Variants in ITPR3 observed in about 807,000 individuals in gnomAD.
ITPR3 encodes the protein inositol 1,4,5-trisphosphate receptor type 3, also known as inositol 1,4,5-trisphosphate-gated calcium channel ITPR3.
ITPR3 carries 173 observed loss-of-function variants against 293.2 expected under a neutral mutation model. That is an observed-to-expected ratio of 0.59 (90% CI 0.52 to 0.67). The LOEUF is 0.67. Ranked by LOEUF, ITPR3 falls within the 30% of genes least tolerant of loss-of-function variation. The pLI is 0.00. For missense variants in ITPR3, 2,796 were observed against 3,592.1 expected, an observed-to-expected ratio of 0.78 and a Z score of 5.66; for synonymous variants, 1,295 against 1,444.4, an observed-to-expected ratio of 0.90 and a Z score of 2.35.
In ITPR3 at chr6:33,691,581, G is replaced by T; in HGVS notation, c.7226-34G>T. The T allele has an allele frequency of 6.4e-7, 1 of 1,573,684 alleles. No homozygotes were observed. The highest frequency in any genetic ancestry group is 1.1e-5 in the South Asian group (1 of 89,664). On this transcript the variant is annotated intron_variant, in intron 52 of 57. Transcript: ENST00000605930. The surrounding 1 kb of genome is among the most constrained non-coding windows in gnomAD (Gnocchi z 4.9). ...AGCCAGGGGATAAGGCCAGGCACTG[G>T]ACCTCCTGATGATCTCATCCATATC...
rs572592580 is a variant in ITPR3 at position 33,638,298 on chromosome 6, C to G, written c.90-2186C>G. Among the ~76,000 whole-genome samples, 673 of 152,364 alleles carry G rather than the reference C, an allele frequency of 4.4e-3. 5 individuals are homozygous for G. Among genetic ancestry groups the G allele is most frequent in the Middle Eastern group, 0.031 (9 of 294 alleles). ...GGATTACAGGCATGAGCCACCGCGT[C>G]CATCCACATAGGCATGATTGATTAA... On this transcript the variant is annotated intron_variant, in intron 1 of 57. Transcript: ENST00000605930. The surrounding 1 kb of genome is among the most constrained non-coding windows in gnomAD (Gnocchi z 4.3).
chr6:33,685,898 G>A (rs1765217405), intron 41 of ITPR3, 71 bp downstream of exon 41: 2 of 1,536,078 alleles, frequency 1.3e-6, no homozygotes, highest in South Asian at 1.2e-5. Flanking sequence ...CAGTGTGGCT[G>A]GTGTCCCTCT....
intron 1 of ITPR3, among the ~76,000 whole-genome samples, chr6:33,635,875 T>G (rs9654580): frequency 0.045 from 6,787 of 151,478 alleles, 211 homozygotes; most frequent in African/African-American, 0.084. Context: ...CGATCAGAGA[T>G]GTGAGGGGGT....
In ITPR3 at chr6:33,665,097, C is replaced by A. The variant is rs373612197; in HGVS notation, c.1293C>A (p.Ile431=). The A allele has an allele frequency of 6.2e-7, 1 of 1,614,104 alleles. No homozygotes were observed. ...PTKEDKEAFA[I]VSVPVSEIRD... ...AGGAGGACAAGGAGGCCTTTGCCATCGTGTCAGTGCCCGTGTCTGAGATCC... is the reference window on the plus strand; with the variant it reads ...AGGAGGACAAGGAGGCCTTTGCCATAGTGTCAGTGCCCGTGTCTGAGATCC... The change falls in exon 13 of 58, where the codon ATC becomes ATA. Residue 431 remains isoleucine (I), a synonymous_variant. Transcript: ENST00000605930.
At chr6:33,623,994 G>A (rs1011413209) in intron 1 of ITPR3, among the ~76,000 whole-genome samples, 11 of 152,192 alleles carry the variant, frequency 7.2e-5, no homozygotes, top group African/African-American at 2.7e-4. Flanking sequence ...CCACACGACT[G>A]CAACCTGTCC....
chr6:33,690,007 A>C (rs1554140082), intron 50 of ITPR3, 27 bp from the exon 51 acceptor site: 4 of 1,613,530 alleles, frequency 2.5e-6, no homozygotes, highest in Non-Finnish European at 3.4e-6. Flanking sequence ...TAGGGTGCTG[A>C]CTCTCATGCC....
Position 33,679,843 on chromosome 6 carries a change from G to A in ITPR3, c.3973-39G>A. Reference sequence around the variant, plus strand: ...GGAGAGGAGAGCCCAGGGCTTGCTGGACCGAGAGAGTGTGACACGTGCCCC... The same window carrying A: ...GGAGAGGAGAGCCCAGGGCTTGCTGAACCGAGAGAGTGTGACACGTGCCCC... On this transcript the variant is annotated intron_variant, in intron 30 of 57. Transcript: ENST00000605930. The surrounding 1 kb of genome is among the most constrained non-coding windows in gnomAD (Gnocchi z 4.2). 1 of 1,584,928 alleles carries A rather than the reference G, an allele frequency of 6.3e-7. No individual in the cohort carries two copies. The highest frequency in any genetic ancestry group is 1.7e-4 in the Middle Eastern group (1 of 5,928).
intron 23 of ITPR3, 67 bp from the exon 24 acceptor site, chr6:33,674,141 C>T (rs1013321108): frequency 1.3e-6 from 2 of 1,573,658 alleles, no homozygotes; most frequent in East Asian, 2.3e-5. Context: ...GTTTGAGTGT[C>T]TCCCTGTGCT....
chr6:33,640,399 C>T, intron 1 of ITPR3, 85 bp from the exon 2 acceptor site: 1 of 1,258,640 alleles, frequency 7.9e-7, no homozygotes, highest in Non-Finnish European at 1.1e-6. Flanking sequence ...CTCACTGGTA[C>T]CCTGGCATCC....
intron 2 of ITPR3, among the ~76,000 whole-genome samples, chr6:33,644,666 T>G (rs1428939033): frequency 6.7e-6 from 1 of 149,836 alleles, no homozygotes; most frequent in Non-Finnish European, 1.5e-5. Flanking sequence ...ATATAGGTTT[T>G]TTTTTTTTTT....
intron 2 of ITPR3, among the ~76,000 whole-genome samples, chr6:33,648,875 T>A (rs910011887): frequency 6.6e-6 from 1 of 151,396 alleles, no homozygotes; most frequent in African/African-American, 2.4e-5. Context: ...ATTACAGGTG[T>A]GAGCCACCAC....
rs764842692 is a variant in ITPR3 at position 33,680,424 on chromosome 6, C to G, written c.4320C>G (p.Leu1440=). 52 of 1,613,486 alleles carry G rather than the reference C, an allele frequency of 3.2e-5. 1 individual carries two copies. The East Asian group carries it at 1.2e-3, about 36-fold the overall frequency. ...ACACCAGCAACCACATCTGGACGCT[C>G]TTTGAGAACTTCACCCTGGACATGG... is the stretch of plus-strand genomic sequence containing the variant. The part of the protein sequence containing the change: ...EIYTSNHIWT[L]FENFTLDMAR... The change falls in exon 32 of 58, where the codon CTC becomes CTG. Residue 1440 remains leucine (L), a synonymous_variant. Transcript: ENST00000605930.
At chr6:33,630,888 T>C (rs1019204772) in intron 1 of ITPR3, among the ~76,000 whole-genome samples, 3 of 152,264 alleles carry the variant, frequency 2.0e-5, no homozygotes, top group Non-Finnish European at 2.9e-5. Context: ...GGGTGGATTC[T>C]TGGTAAAGAT....
intron 3 of ITPR3, among the ~76,000 whole-genome samples, chr6:33,657,217 T>G (rs919939367): frequency 7.2e-5 from 11 of 152,298 alleles, no homozygotes; most frequent in African/African-American, 2.6e-4. Flanking sequence ...GCCAGTCTGA[T>G]GGAGGGGACA....
Position 33,687,377 on chromosome 6 carries a change from C to A in ITPR3, c.6177+50C>A, listed in dbSNP as rs1023091417. 3 of 1,495,292 alleles carry A rather than the reference C, an allele frequency of 2.0e-6. No individual in the cohort carries two copies. The highest frequency in any genetic ancestry group is 2.8e-6 in the Non-Finnish European group (3 of 1,087,776). The allele number at this position is 1,495,292 out of a possible 1,614,324, so 92.6% of individuals were successfully genotyped here. A position where few individuals can be genotyped will look rare whatever the true frequency, so the allele number is the denominator to read the frequency against. Reference sequence around the variant, plus strand: ...GCCATCACCCCCCTGGCCACCATACCCCGCCCCAGCTGCCATCATCCCCCA... The same window carrying A: ...GCCATCACCCCCCTGGCCACCATACACCGCCCCAGCTGCCATCATCCCCCA... On this transcript the variant is annotated intron_variant, in intron 45 of 57. Transcript: ENST00000605930. This position sits in a 1 kb window ranked among gnomAD's most constrained non-coding sequence, Gnocchi z 5.3.
At position 33,680,511 on chromosome 6, in the gene ITPR3, GCCC is replaced by G. The variant is rs369673505; in HGVS notation, c.4351-42_4351-40del. The G allele has an allele frequency of 7.4e-5, 119 of 1,610,510 alleles. 2 individuals carry two copies. In the African/African-American group the frequency reaches 7.6e-4, roughly 10 times the overall value. ...CCCCAGGAGGTGTGGGAGTGGAGGG[GCCC>G]CATGTGAGGAGCCCCCAGCCATCCC... On this transcript the variant is annotated intron_variant, in intron 32 of 57. Transcript: ENST00000605930.
intron 1 of ITPR3, among the ~76,000 whole-genome samples, chr6:33,637,097 C>A (rs1349164718): frequency 6.6e-6 from 1 of 152,210 alleles, no homozygotes; most frequent in Non-Finnish European, 1.5e-5. Flanking sequence ...TGAGGTAGTT[C>A]TCCAGTACTC....
intron 50 of ITPR3, 107 bp downstream of exon 50, chr6:33,689,517 C>T: frequency 7.7e-7 from 1 of 1,295,788 alleles, no homozygotes; most frequent in South Asian, 1.4e-5. Flanking sequence ...GTCCCATCCC[C>T]TCCTCTCTGT....
At chr6:33,676,077 A>G (rs753503719) in intron 25 of ITPR3, among the ~76,000 whole-genome samples, 6 of 152,234 alleles carry the variant, frequency 3.9e-5, no homozygotes, top group Non-Finnish European at 8.8e-5. Context: ...CTTGCAAACT[A>G]TTATATGCAC....
Sources: gnomAD v4.1 joint callset for allele counts (sites outside exome capture counted in the v4.1 genomes callset) on GRCh38, gnomAD v4.1.1 for gene constraint, Gnocchi (gnomAD v3.1) non-coding constraint, MANE v1.5 for transcripts, NCBI Gene and HGNC (gene_info 2026-07-23, HGNC 2026-07-21) for gene names.